Variants in PIK3C2G observed in about 807,000 individuals in gnomAD.
The protein encoded by PIK3C2G is phosphatidylinositol-4-phosphate 3-kinase catalytic subunit type 2 gamma, also known as phosphatidylinositol 3-kinase C2 domain-containing subunit gamma.
A neutral mutation model predicts 181.1 loss-of-function variants in PIK3C2G; 168 were observed. The observed-to-expected ratio is 0.93, with a 90% CI of 0.82 to 1.05. The LOEUF (loss-of-function observed/expected upper bound fraction) is 1.05. PIK3C2G is among the 50% of genes least tolerant of loss of function. PIK3C2G has a pLI of 0.00. For synonymous variants in PIK3C2G, 573 were observed against 592.2 expected (o/e 0.97, Z 0.47); for missense variants, 1,869 against 1,732.8 (o/e 1.08, Z -1.40).
intron 18 of PIK3C2G, among the ~76,000 whole-genome samples, chr12:18,451,984 T>C (rs775703270): frequency 1.2e-4 from 19 of 152,238 alleles, no homozygotes; most frequent in Non-Finnish European, 2.6e-4. Flanking sequence ...AGTATTCTAC[T>C]GAGGATTTTC....
chr12:18,587,129 C>A (rs1946823158), intron 29 of PIK3C2G, among the ~76,000 whole-genome samples: 1 of 152,100 alleles, frequency 6.6e-6, no homozygotes, highest in Non-Finnish European at 1.5e-5. Context: ...TGGAAGCATT[C>A]CCCTTGAAAA....
At chr12:18,547,745 A>T (rs17477922) in intron 26 of PIK3C2G, among the ~76,000 whole-genome samples, 2,294 of 152,100 alleles carry the variant, frequency 0.015, 25 homozygotes, top group Non-Finnish European at 0.025. Context: ...GTCTTGAAAA[A>T]TGCCCTTTAA....
At chr12:18,578,304 G>GT (rs552074740) in intron 29 of PIK3C2G, among the ~76,000 whole-genome samples, 74 of 152,016 alleles carry the variant, frequency 4.9e-4, no homozygotes, top group Non-Finnish European at 7.7e-4. Flanking sequence ...CACACGTTGG[G>GT]TTTTTTTTCC....
At chr12:18,388,113 GATCCTTTTTTTTTTCTCACTCC>G (rs762697630) in intron 14 of PIK3C2G, among the ~76,000 whole-genome samples, 1 of 151,540 alleles carries the variant, frequency 6.6e-6, no homozygotes, top group Non-Finnish European at 1.5e-5. Context: ...ATGTAACGGA[GATCCTTTTTTTTTTCTCACTCC>G]AAAACCACCA....
chr12:18,506,062 GTA>G (rs1941810512), intron 24 of PIK3C2G, among the ~76,000 whole-genome samples: 1 of 152,180 alleles, frequency 6.6e-6, no homozygotes, highest in Non-Finnish European at 1.5e-5. Flanking sequence ...GGAATAGAAA[GTA>G]ACTGGAGTGG....
At chr12:18,364,606 G>A (rs1256096632) in intron 12 of PIK3C2G, among the ~76,000 whole-genome samples, 2 of 152,168 alleles carry the variant, frequency 1.3e-5, no homozygotes, top group African/African-American at 4.8e-5. Context: ...CCTTTAAAAA[G>A]TTATTAACCA....
chr12:18,363,711 G>C (rs1355283171), intron 12 of PIK3C2G, among the ~76,000 whole-genome samples: 1 of 151,956 alleles, frequency 6.6e-6, no homozygotes, highest in African/African-American at 2.4e-5. Flanking sequence ...TTGACTCCCG[G>C]TATGATGCTT....
At chr12:18,719,419 T>G in the PIK3C2G span, 1 of 1,393,194 alleles carries the variant, frequency 7.2e-7, no homozygotes, top group Non-Finnish European at 9.6e-7. Flanking sequence ...GATTTAAAAA[T>G]AAAATAAATA....
Position 18,282,763 on chromosome 12 carries a change from A to G in PIK3C2G, c.678+4A>G. On this transcript the variant is annotated splice_donor_region_variant and intron_variant, in intron 2 of 32. Coordinates refer to ENST00000538779, the MANE Select transcript of PIK3C2G (RefSeq NM_001288772.2). ...TACATGGCAGAAGAATATAGAGGTA[A>G]GTATAATACATGTCAATGTAAAAAT... is the stretch of plus-strand genomic sequence containing the variant. 2.0e-6 allele frequency: 3 copies of G among 1,521,496 alleles called. No individual in the cohort carries two copies. The highest frequency in any genetic ancestry group is 2.7e-6 in the Non-Finnish European group (3 of 1,121,580). The allele number at this position is 1,521,496 out of a possible 1,614,324, so 94.2% of individuals were successfully genotyped here.
intron 18 of PIK3C2G, among the ~76,000 whole-genome samples, chr12:18,459,259 A>G (rs1391559726): frequency 1.3e-5 from 2 of 152,228 alleles, no homozygotes; most frequent in Non-Finnish European, 2.9e-5. Context: ...AAATTCATAA[A>G]TAATTGCATA....
chr12:18,359,558 T>C (rs1941050370), intron 11 of PIK3C2G, among the ~76,000 whole-genome samples: 1 of 152,224 alleles, frequency 6.6e-6, no homozygotes, highest in Admixed American at 6.5e-5. Context: ...TGCTGTCTAT[T>C]TATTCCTTCA....
intron 24 of PIK3C2G, among the ~76,000 whole-genome samples, chr12:18,507,586 T>G (rs541458449): frequency 6.1e-4 from 93 of 152,258 alleles, no homozygotes; most frequent in African/African-American, 2.1e-3. Context: ...CATACTTGAG[T>G]GTATATAAAA....
At chr12:18,712,624 A>G in the PIK3C2G span, among the ~76,000 whole-genome samples, 1 of 152,136 alleles carries the variant, frequency 6.6e-6, no homozygotes, top group South Asian at 2.1e-4. Flanking sequence ...AGTAAACAAA[A>G]AGTTCCATGA....
At chr12:18,323,675 G>A (rs941788876) in intron 7 of PIK3C2G, among the ~76,000 whole-genome samples, 1 of 150,366 alleles carries the variant, frequency 6.7e-6, no homozygotes, top group Non-Finnish European at 1.5e-5. Flanking sequence ...TACTTTTGGG[G>A]ATACAATGCT....
In PIK3C2G at chr12:18,277,028, CTT is replaced by C. The variant is rs543888716; in HGVS notation, c.-78-4975_-78-4974del. Among the ~76,000 whole-genome samples, 361 of 152,190 alleles carry C rather than the reference CTT, an allele frequency of 2.4e-3. 1 individual carries two copies. Among genetic ancestry groups the C allele is most frequent in the African/African-American group, 6.8e-3 (281 of 41,536 alleles). ...AGATTAATGTTTTCCCCAAGCACCT[CTT>C]GTCTTCACTTAAATAAAAATAGTAT... On this transcript the variant is annotated intron_variant, in intron 1 of 32. Transcript: ENST00000538779.
chr12:18,369,446 G>A lies in PIK3C2G; in HGVS notation c.1749-1734G>A, dbSNP rs1395606094. Among the ~76,000 whole-genome samples, 4 of 151,020 alleles carry A rather than the reference G, an allele frequency of 2.6e-5. 1 individual carries two copies. Among genetic ancestry groups the A allele is most frequent in the African/African-American group, 9.8e-5 (4 of 40,994 alleles). The stretch of plus-strand genomic sequence containing the variant: ...TATAATTGACATATGATCATATAAC[G>A]ATCGTATAATTGACATATGATCATA... On this transcript the variant is annotated intron_variant, in intron 12 of 32. Transcript: ENST00000538779.
the PIK3C2G span, chr12:18,693,340 G>C: frequency 6.4e-7 from 1 of 1,569,896 alleles, no homozygotes; most frequent in Non-Finnish European, 8.8e-7. Flanking sequence ...GCAGATACTG[G>C]GGGGTTGGAC....
At chr12:18,465,923 T>G (rs1937816369) in intron 18 of PIK3C2G, among the ~76,000 whole-genome samples, 1 of 151,626 alleles carries the variant, frequency 6.6e-6, no homozygotes, top group African/African-American at 2.4e-5. Flanking sequence ...CTCGCTCTAT[T>G]TTACCTGTCT....
At chr12:18,587,782 AC>A (rs923932299) in intron 29 of PIK3C2G, among the ~76,000 whole-genome samples, 21 of 151,120 alleles carry the variant, frequency 1.4e-4, no homozygotes, top group Non-Finnish European at 2.2e-4. Context: ...CAAAACAAAC[AC>A]CTGAATAGCC....
Sources: allele counts gnomAD v4.1 joint callset (sites outside exome capture counted in the v4.1 genomes callset), GRCh38; gene constraint gnomAD v4.1.1; transcripts MANE v1.5; gene names NCBI Gene and HGNC (gene_info 2026-07-23, HGNC 2026-07-21).